The following CAMK4 variants were observed in gnomAD, a reference collection of about 807,000 sequenced individuals.
CAMK4 encodes the protein calcium/calmodulin-dependent protein kinase type IV.
A neutral mutation model predicts 44.9 loss-of-function variants in CAMK4; 22 were observed. The ratio of observed to expected loss-of-function variants is 0.49; its 90% confidence interval spans 0.35 to 0.70. The LOEUF (loss-of-function observed/expected upper bound fraction) is 0.70, where lower values mean the gene tolerates loss of function less well. Ranked by LOEUF, CAMK4 falls within the 30% of genes least tolerant of loss-of-function variation. CAMK4 has a pLI of 0.01. For missense variants in CAMK4, 498 were observed against 586.8 expected (o/e 0.85, Z 1.56); for synonymous variants, 218 against 215.4 (o/e 1.01, Z -0.11).
At chr5:111,282,756 A>C (rs532396315) in intron 1 of CAMK4, 1 of 152,322 alleles carries the variant, frequency 6.6e-6, no homozygotes, top group South Asian at 2.1e-4. Context: ...AGTGCTCCTC[A>C]GTTCATGATG....
At chr5:111,386,086 C>G (rs945076056) in intron 4 of CAMK4, among the ~76,000 whole-genome samples, 20 of 152,108 alleles carry the variant, frequency 1.3e-4, no homozygotes, top group Non-Finnish European at 2.8e-4. Context: ...TTTGAAACTA[C>G]TTTTTTGAAA....
intron 7 of CAMK4, among the ~76,000 whole-genome samples, chr5:111,471,577 C>A (rs559912967): frequency 2.1e-3 from 315 of 152,332 alleles, no homozygotes; most frequent in Non-Finnish European, 3.3e-3. Context: ...CAGATAGAGG[C>A]TCTTTTCAAA....
chr5:111,263,330 A>G (rs1693406533), intron 1 of CAMK4, among the ~76,000 whole-genome samples: 1 of 152,248 alleles, frequency 6.6e-6, no homozygotes, highest in South Asian at 2.1e-4. Flanking sequence ...GGAATGAGGA[A>G]AATGAAGGAA....
At chr5:111,455,331 A>G (rs1159600462) in intron 7 of CAMK4, among the ~76,000 whole-genome samples, 5 of 152,204 alleles carry the variant, frequency 3.3e-5, no homozygotes, top group African/African-American at 4.8e-5. Flanking sequence ...TATTTCATAT[A>G]TACTATGACT....
intron 2 of CAMK4, among the ~76,000 whole-genome samples, chr5:111,366,831 T>C (rs1000448488): frequency 6.6e-6 from 1 of 151,974 alleles, no homozygotes. Flanking sequence ...TATAAAAACC[T>C]GTATAATTTC....
chr5:111,314,635 C>G (rs1009894977), intron 1 of CAMK4, among the ~76,000 whole-genome samples: 5 of 151,934 alleles, frequency 3.3e-5, no homozygotes, highest in Non-Finnish European at 5.9e-5. Context: ...TTAATTAGTT[C>G]CCACCAATAT....
At chr5:111,273,716 T>TAC (rs1750631672) in intron 1 of CAMK4, among the ~76,000 whole-genome samples, 1 of 57,000 alleles carries the variant, frequency 1.8e-5, no homozygotes, top group Non-Finnish European at 2.8e-5. Flanking sequence ...TATATATATA[T>TAC]ATACACACAC....
At chr5:111,258,094 A>G (rs1749816451) in intron 1 of CAMK4, among the ~76,000 whole-genome samples, 1 of 152,190 alleles carries the variant, frequency 6.6e-6, no homozygotes, top group Non-Finnish European at 1.5e-5. Flanking sequence ...AGGTGCAGCA[A>G]ACCACCATGG....
In CAMK4 at chr5:111,381,546, C is replaced by T. The variant is rs981155271; in HGVS notation, c.386+4604C>T. 3.9e-5 allele frequency among the ~76,000 whole-genome samples: 6 copies of T among 152,068 alleles called. No homozygotes were observed. In the South Asian group the frequency reaches 8.3e-4, roughly 21 times the overall value. On this transcript the variant is annotated intron_variant, in intron 4 of 10. Coordinates refer to ENST00000282356, the MANE Select transcript of CAMK4 (RefSeq NM_001744.6). The stretch of plus-strand genomic sequence containing the variant: ...AGTCTAGTCTTTCCACGTTCTTCTG[C>T]CTGCTTTTATCCTAGCCATGCTGGC...
chr5:111,229,767 T>G (rs577829448), intron 1 of CAMK4, among the ~76,000 whole-genome samples: 5 of 152,322 alleles, frequency 3.3e-5, no homozygotes, highest in Non-Finnish European at 7.3e-5. Flanking sequence ...AATATACTTG[T>G]GCCAACCCTG....
intron 7 of CAMK4, among the ~76,000 whole-genome samples, chr5:111,466,086 T>G: frequency 6.6e-6 from 1 of 151,942 alleles, no homozygotes; most frequent in East Asian, 1.9e-4. Flanking sequence ...TAAACAGAAT[T>G]AAAAACAAAA....
chr5:111,264,304 C>T (rs1285490912), intron 1 of CAMK4, among the ~76,000 whole-genome samples: 3 of 152,050 alleles, frequency 2.0e-5, no homozygotes, highest in Non-Finnish European at 4.4e-5. Context: ...GGTTACCAGT[C>T]GCTCCAGGGG....
In CAMK4 at chr5:111,492,566, T is replaced by G. The variant is rs1358682469; in HGVS notation, c.*8100T>G. ...ACAAATACTTTAGAAATGAATGAAG[T>G]CAATAGCTAATGTTTCTCCCAGAAA... On this transcript the variant is annotated 3_prime_UTR_variant, in exon 11 of 11. Coordinates refer to ENST00000282356, the MANE Select transcript of CAMK4 (RefSeq NM_001744.6). The G allele has an allele frequency of 6.6e-6, 1 of 152,120 alleles. No homozygotes were observed. 9.4% of individuals were successfully genotyped at this position (152,120 alleles called of 1,614,324 possible). A position where few individuals can be genotyped will look rare whatever the true frequency, so the allele number is the denominator to read the frequency against.
At chr5:111,353,261 C>G (rs1045980131) in intron 2 of CAMK4, among the ~76,000 whole-genome samples, 3 of 151,758 alleles carry the variant, frequency 2.0e-5, no homozygotes, top group African/African-American at 7.3e-5. Flanking sequence ...TTTGTAAGGT[C>G]AGTCTTGGTT....
chr5:111,224,327 G>C (rs879312645), upstream of CAMK4: 1,402 of 1,116,436 alleles, frequency 1.3e-3, no homozygotes, highest in Non-Finnish European at 1.5e-3. The surrounding 1 kb of genome is among the most constrained non-coding windows in gnomAD (Gnocchi z 5.7). Flanking sequence ...CCCGCCCACC[G>C]TCCCTGCGAG....
chr5:111,298,956 GGGCATCTCTAGGCTCT>G (rs1408331623), intron 1 of CAMK4, among the ~76,000 whole-genome samples: 8 of 152,232 alleles, frequency 5.3e-5, no homozygotes, highest in African/African-American at 1.9e-4. Flanking sequence ...CAGAGATGGT[GGGCATCTCTAGGCTCT>G]GGCCTATGCT....
At chr5:111,465,384 C>CA (rs201278342) in intron 7 of CAMK4, among the ~76,000 whole-genome samples, 1,717 of 151,370 alleles carry the variant, frequency 0.011, 38 homozygotes, top group African/African-American at 0.039. Flanking sequence ...GGAAACAAAC[C>CA]AAAAAAATTA....
At chr5:111,428,178 C>T (rs1753300833) in intron 5 of CAMK4, among the ~76,000 whole-genome samples, 1 of 152,246 alleles carries the variant, frequency 6.6e-6, no homozygotes, top group African/African-American at 2.4e-5. Context: ...TGTTACTGGG[C>T]TTGGGGTGCC....
At chr5:111,469,492 C>G (rs1222199473) in intron 7 of CAMK4, among the ~76,000 whole-genome samples, 1 of 152,110 alleles carries the variant, frequency 6.6e-6, no homozygotes, top group African/African-American at 2.4e-5. Flanking sequence ...CAGATCAGAA[C>G]TTGCCATGTC....
Sources: gnomAD v4.1 joint callset for allele counts (sites outside exome capture counted in the v4.1 genomes callset) on GRCh38, gnomAD v4.1.1 for gene constraint, Gnocchi (gnomAD v3.1) non-coding constraint, MANE v1.5 for transcripts, NCBI Gene and HGNC (gene_info 2026-07-23, HGNC 2026-07-21) for gene names.